The following NPSR1 variants were observed in gnomAD, a reference collection of about 807,000 sequenced individuals.
NPSR1 encodes neuropeptide S receptor.
In NPSR1, 48 loss-of-function variants were observed where a neutral mutation model predicts 46.9. The observed-to-expected ratio is 1.02, with a 90% CI of 0.81 to 1.30. The LOEUF (loss-of-function observed/expected upper bound fraction) is 1.30. Among genes scored for constraint, NPSR1 ranks in the 50% most tolerant of loss-of-function variants. The pLI is 0.00. For missense variants in NPSR1, 450 were observed against 449.5 expected, an observed-to-expected ratio of 1.00 and a Z score of -0.01; for synonymous variants, 176 against 168.1, an observed-to-expected ratio of 1.05 and a Z score of -0.36.
At chr7:34,808,561 T>C (rs1788822574) in intron 3 of NPSR1, among the ~76,000 whole-genome samples, 1 of 152,218 alleles carries the variant, frequency 6.6e-6, no homozygotes, top group African/African-American at 2.4e-5. Flanking sequence ...GCATTTCATG[T>C]GTTTCTAACT....
chr7:34,811,473 C>G (rs141760074), intron 3 of NPSR1, among the ~76,000 whole-genome samples: 6 of 152,202 alleles, frequency 3.9e-5, no homozygotes, highest in African/African-American at 1.4e-4. Flanking sequence ...AGGATAGGGG[C>G]ATGTAGCTGG....
At chr7:34,664,628 A>G (rs1483406115) in intron 1 of NPSR1, among the ~76,000 whole-genome samples, 1 of 151,870 alleles carries the variant, frequency 6.6e-6, no homozygotes, top group Non-Finnish European at 1.5e-5. Flanking sequence ...AAAAAAAAAA[A>G]TGAGACCATG....
chr7:34,722,171 G>T (rs923893874), intron 2 of NPSR1, among the ~76,000 whole-genome samples: 1 of 152,186 alleles, frequency 6.6e-6, no homozygotes, highest in East Asian at 1.9e-4. Context: ...GGTGTAATTT[G>T]CAATATTCAT....
downstream of NPSR1, among the ~76,000 whole-genome samples, chr7:34,854,957 A>G (rs184696928): frequency 3.9e-5 from 6 of 152,298 alleles, no homozygotes; most frequent in East Asian, 9.6e-4. Context: ...ATCATGTTAT[A>G]ATTATGCTGG....
intron 2 of NPSR1, among the ~76,000 whole-genome samples, chr7:34,709,044 C>T (rs746746878): frequency 2.0e-5 from 3 of 152,118 alleles, no homozygotes; most frequent in Non-Finnish European, 4.4e-5. Flanking sequence ...TGAATTCCAC[C>T]ATCTTGCCTG....
chr7:34,808,484 C>G (rs1788818158), intron 3 of NPSR1, among the ~76,000 whole-genome samples: 1 of 152,126 alleles, frequency 6.6e-6, no homozygotes, highest in South Asian at 2.1e-4. Context: ...TGTACTCTGT[C>G]CCTTCACTCA....
intron 2 of NPSR1, among the ~76,000 whole-genome samples, chr7:34,729,413 G>T (rs992830932): frequency 1.3e-5 from 2 of 152,058 alleles, no homozygotes; most frequent in African/African-American, 2.4e-5. Flanking sequence ...AAATCAAAAA[G>T]ATCAATGAAC....
chr7:34,792,454 A>G (rs1037650854), intron 3 of NPSR1, among the ~76,000 whole-genome samples: 2 of 147,402 alleles, frequency 1.4e-5, no homozygotes, highest in African/African-American at 5.1e-5. Context: ...GAGCGCAGGT[A>G]TTCAAGACCC....
intron 2 of NPSR1, among the ~76,000 whole-genome samples, chr7:34,690,127 A>G (rs921188053): frequency 6.6e-6 from 1 of 152,108 alleles, no homozygotes; most frequent in Non-Finnish European, 1.5e-5. Flanking sequence ...CACCATACAA[A>G]GACTACCCAT....
At chr7:34,809,941 T>C (rs1035337316) in intron 3 of NPSR1, among the ~76,000 whole-genome samples, 3 of 152,154 alleles carry the variant, frequency 2.0e-5, no homozygotes, top group African/African-American at 4.8e-5. Context: ...TCCATGTCCA[T>C]CCATGTCCCT....
At chr7:34,876,477 G>T (rs1791576694) in intron 8 of NPSR1, among the ~76,000 whole-genome samples, 1 of 152,146 alleles carries the variant, frequency 6.6e-6, no homozygotes, top group Admixed American at 6.5e-5. Context: ...ACTAAAAATT[G>T]CTTCCTTTGC....
At chr7:34,752,924 A>G (rs139602932) in intron 2 of NPSR1, among the ~76,000 whole-genome samples, 2 of 152,152 alleles carry the variant, frequency 1.3e-5, no homozygotes, top group Non-Finnish European at 2.9e-5. Flanking sequence ...GATTTTGCCA[A>G]TCATCCCTCT....
chr7:34,737,022 C>T (rs1784710504), intron 2 of NPSR1, among the ~76,000 whole-genome samples: 1 of 151,002 alleles, frequency 6.6e-6, no homozygotes, highest in African/African-American at 2.4e-5. Context: ...CTTTTTAGCA[C>T]CTCCTCTTTC....
chr7:34,827,416 T>C lies in NPSR1; in HGVS notation c.494T>C (p.Val165Ala). Reference protein sequence around the residue: ...KFLQGEKQARVLIVIAWSLSF... With the variant: ...KFLQGEKQARALIVIAWSLSF... ...CTTTGGGCAGAAAAGCAAGCCAGGGTCCTCATTGTGATCGCCTGGAGCCTG... is the reference window on the plus strand; with the variant it reads ...CTTTGGGCAGAAAAGCAAGCCAGGGCCCTCATTGTGATCGCCTGGAGCCTG... Residue 165 changes from valine (V) to alanine (A), a missense_variant, in exon 5 of 9, where the codon GTC becomes GCC. Val to Ala is a moderately conservative substitution (Grantham distance 64). Coordinates refer to ENST00000360581, the MANE Select transcript of NPSR1 (RefSeq NM_207172.2). 6.2e-7 allele frequency: 1 copy of C among 1,613,970 alleles called. No homozygotes were observed. The highest frequency in any genetic ancestry group is 8.5e-7 in the Non-Finnish European group (1 of 1,179,976).
rs1157591101 is a variant in NPSR1 at position 34,809,460 on chromosome 7, A to ATT, written c.385-2290_385-2289dup. Among the ~76,000 whole-genome samples, 666 of 110,760 alleles carry ATT rather than the reference A, an allele frequency of 6.0e-3. 17 individuals are homozygous for ATT. The highest frequency in any genetic ancestry group is 0.011 in the African/African-American group (292 of 27,460). The allele number at this position is 110,760 out of a possible 152,430, so 72.7% of individuals were successfully genotyped here. The stretch of plus-strand genomic sequence containing the variant: ...GTACAGATTATTTAATCACCCAGGT[A>ATT]TTTTTTTTTTTTTTTTTTTTTGAGA... On this transcript the variant is annotated intron_variant, in intron 3 of 8. Coordinates refer to ENST00000360581, the MANE Select transcript of NPSR1 (RefSeq NM_207172.2).
rs1001943986 is a variant in NPSR1, at chr7:34,867,194, A to G, written c.1026-10882A>G. On this transcript the variant is annotated intron_variant, in intron 8 of 8. Coordinates refer to the NPSR1 transcript ENST00000359791. ...GGAGTGATTGTCCTGACAGAGTTTA[A>G]GAGCCAAAAGGCTTTGTGGACTCAA... Among the ~76,000 whole-genome samples the G allele has an allele frequency of 3.3e-5, 5 of 151,974 alleles. 1 individual carries two copies. Among genetic ancestry groups the G allele is most frequent in the African/African-American group, 1.2e-4 (5 of 41,218 alleles).
At chr7:34,824,252 T>C (rs539075064) in intron 4 of NPSR1, among the ~76,000 whole-genome samples, 10 of 152,316 alleles carry the variant, frequency 6.6e-5, no homozygotes, top group South Asian at 6.2e-4. Flanking sequence ...GTGTAACTTA[T>C]ACGATTTTAT....
intron 2 of NPSR1, among the ~76,000 whole-genome samples, chr7:34,730,371 G>T (rs921172460): frequency 2.0e-5 from 3 of 152,132 alleles, no homozygotes; most frequent in African/African-American, 4.8e-5. Flanking sequence ...CCTCTGGCCT[G>T]AACAGTCTTC....
At chr7:34,674,526 G>A (rs1293993286) in intron 1 of NPSR1, among the ~76,000 whole-genome samples, 1 of 152,204 alleles carries the variant, frequency 6.6e-6, no homozygotes, top group Non-Finnish European at 1.5e-5. Context: ...CAGGGACAGG[G>A]CAGTAGAATT....
Sources: allele counts gnomAD v4.1 joint callset (sites outside exome capture counted in the v4.1 genomes callset), GRCh38; gene constraint gnomAD v4.1.1; transcripts MANE v1.5; gene names NCBI Gene and HGNC (gene_info 2026-07-23, HGNC 2026-07-21).